DSCAM: variants seen among roughly 807,000 people sequenced by gnomAD.
DSCAM encodes cell adhesion molecule DSCAM.
Under a neutral mutation model 217.7 loss-of-function variants are expected in DSCAM, and 47 were observed. The observed-to-expected ratio is 0.22, with a 90% CI of 0.17 to 0.28. The LOEUF (loss-of-function observed/expected upper bound fraction) is 0.28. DSCAM is among the 10% of genes least tolerant of loss of function. DSCAM has a pLI of 1.00. For synonymous variants in DSCAM, 1,056 were observed against 1,015.3 expected, an observed-to-expected ratio of 1.04 and a Z score of -0.76; for missense variants, 2,080 against 2,618.3, an observed-to-expected ratio of 0.79 and a Z score of 4.49.
At chr21:40,438,446 G>A (rs1350663330) in intron 3 of DSCAM, among the ~76,000 whole-genome samples, 1 of 152,156 alleles carries the variant, frequency 6.6e-6, no homozygotes, top group Non-Finnish European at 1.5e-5. Flanking sequence ...TTAAATAAAT[G>A]AGAAAGTGCA....
chr21:40,078,117 C>G (rs1014746915), intron 26 of DSCAM, among the ~76,000 whole-genome samples: 2 of 152,160 alleles, frequency 1.3e-5, no homozygotes, highest in African/African-American at 4.8e-5. Flanking sequence ...GACACCTCAC[C>G]TAGTTTTTGG....
chr21:40,579,842 A>C (rs895586258), intron 3 of DSCAM, among the ~76,000 whole-genome samples: 1 of 152,168 alleles, frequency 6.6e-6, no homozygotes, highest in African/African-American at 2.4e-5. Context: ...AAAAAAGTGA[A>C]GATTTTTCTT....
Position 40,369,118 on chromosome 21 carries a change from G to T in DSCAM, c.636C>A (p.Ser212Arg). The T allele has an allele frequency of 1.2e-6, 2 of 1,610,112 alleles. No homozygotes were observed. The highest frequency in any genetic ancestry group is 1.7e-6 in the Non-Finnish European group (2 of 1,178,448). ...TTTTACCTGATACAAAAAGTCTGGC[G>T]CTGTTGCTCTGCCTCGTCTCTCCGG... ...RYTGETRQSN[S>R]ARLFVSDPAN... is the part of the protein sequence containing the mutation. Residue 212 changes from serine to arginine, a missense_variant, in exon 4 of 33, where the codon AGC becomes AGA. Ser to Arg is a moderately radical substitution (Grantham distance 110, BLOSUM62 -1). Coordinates refer to ENST00000400454, the MANE Select transcript of DSCAM (RefSeq NM_001389.5).
At chr21:40,060,111 A>G (rs2089092412) in intron 28 of DSCAM, among the ~76,000 whole-genome samples, 1 of 152,204 alleles carries the variant, frequency 6.6e-6, no homozygotes, top group African/African-American at 2.4e-5. Context: ...CTTCCTTTTC[A>G]ATCACTTTGA....
At chr21:40,613,465 T>G (rs982296049) in intron 3 of DSCAM, among the ~76,000 whole-genome samples, 1 of 152,226 alleles carries the variant, frequency 6.6e-6, no homozygotes, top group Non-Finnish European at 1.5e-5. Context: ...AAAAAGATTT[T>G]TTAAAAATTG....
intron 3 of DSCAM, among the ~76,000 whole-genome samples, chr21:40,387,716 TCAGA>T (rs1234600861): frequency 1.3e-5 from 2 of 152,138 alleles, no homozygotes; most frequent in African/African-American, 4.8e-5. Flanking sequence ...AATAGAGGCC[TCAGA>T]CAATGAAATA....
intron 11 of DSCAM, among the ~76,000 whole-genome samples, chr21:40,259,658 A>ATTTT (rs1365627587): frequency 1.7e-3 from 100 of 59,960 alleles, no homozygotes; most frequent in South Asian, 3.1e-3. Context: ...TGAGTCAGCC[A>ATTTT]TTCTTTTTTT....
chr21:40,087,406 C>G, intron 21 of DSCAM, 119 bp from the exon 22 acceptor site: 6 of 714,972 alleles, frequency 8.4e-6, no homozygotes, highest in Non-Finnish European at 1.5e-5. Flanking sequence ...ATTCACATTA[C>G]AACTGTCAAC....
chr21:40,113,052 C>T (rs951872314), intron 20 of DSCAM, among the ~76,000 whole-genome samples: 15 of 152,256 alleles, frequency 9.9e-5, no homozygotes, highest in African/African-American at 3.6e-4. Flanking sequence ...GGAAATCCTC[C>T]CTAACTCATT....
chr21:40,546,272 G>A (rs755890122), intron 3 of DSCAM, among the ~76,000 whole-genome samples: 1 of 152,244 alleles, frequency 6.6e-6, no homozygotes, highest in Non-Finnish European at 1.5e-5. Flanking sequence ...ACTCAGGGTA[G>A]CTGTGAGCAG....
At chr21:40,424,273 A>T (rs2075451591) in intron 3 of DSCAM, among the ~76,000 whole-genome samples, 1 of 152,196 alleles carries the variant, frequency 6.6e-6, no homozygotes, top group South Asian at 2.1e-4. Context: ...ACTTGGAAAT[A>T]AGGTCTTTAT....
chr21:40,500,945 G>T (rs567661376), intron 3 of DSCAM, among the ~76,000 whole-genome samples: 1 of 151,750 alleles, frequency 6.6e-6, no homozygotes, highest in Non-Finnish European at 1.5e-5. Flanking sequence ...GAGGCAATAT[G>T]GTAGGTATGC....
At chr21:40,103,103 T>C (rs1297814941) in intron 20 of DSCAM, among the ~76,000 whole-genome samples, 1 of 152,200 alleles carries the variant, frequency 6.6e-6, no homozygotes, top group Non-Finnish European at 1.5e-5. Context: ...CGATAGGAAA[T>C]AATGAGGATA....
Position 40,013,342 on chromosome 21 carries a change from AC to A in DSCAM, c.5730del (p.Leu1910PhefsTer2). On this transcript the variant is annotated frameshift_variant, in exon 33 of 33. Coordinates refer to ENST00000400454, the MANE Select transcript of DSCAM (RefSeq NM_001389.5). LOFTEE classifies it high-confidence loss of function. ...HLPPYLRMDF[L>X]LNRGGPGTSR... ...CTGGTGCCTGGACCACCTCGGTTTA[AC>A]AAAAAGTCCATTCTAAGGTATGGAG... The A allele has an allele frequency of 6.2e-7, 1 of 1,602,792 alleles. No individual in the cohort carries two copies. Among genetic ancestry groups the A allele is most frequent in the Non-Finnish European group, 8.5e-7 (1 of 1,175,202 alleles).
intron 3 of DSCAM, among the ~76,000 whole-genome samples, chr21:40,531,632 C>G (rs1042195727): frequency 1.3e-5 from 2 of 152,222 alleles, no homozygotes; most frequent in Non-Finnish European, 2.9e-5. Context: ...CTCAGCTCAG[C>G]CTTAAGGAAG....
chr21:40,143,286 T>A (rs2090314510), intron 17 of DSCAM, among the ~76,000 whole-genome samples: 1 of 152,222 alleles, frequency 6.6e-6, no homozygotes, highest in African/African-American at 2.4e-5. Context: ...TTTGTAAACC[T>A]TAAATGTTGG....
chr21:40,504,546 C>T lies in DSCAM; in HGVS notation c.509-135301G>A, dbSNP rs1265964844. 3.9e-5 allele frequency among the ~76,000 whole-genome samples: 6 copies of T among 152,202 alleles called. 1 individual carries two copies. Among genetic ancestry groups the T allele is most frequent in the Non-Finnish European group, 8.8e-5 (6 of 68,036 alleles). Reference sequence around the variant, plus strand: ...GCTTTAACCTGTCAGCATGGCATGACACTCGTTTTAGAAAGCAAAATAAAA... The same window carrying T: ...GCTTTAACCTGTCAGCATGGCATGATACTCGTTTTAGAAAGCAAAATAAAA... On this transcript the variant is annotated intron_variant, in intron 3 of 32. Transcript: ENST00000400454.
At chr21:40,781,923 C>T (rs1448786083) in intron 1 of DSCAM, among the ~76,000 whole-genome samples, 1 of 133,760 alleles carries the variant, frequency 7.5e-6, no homozygotes, top group Non-Finnish European at 1.5e-5. Flanking sequence ...CCGAGGTGGG[C>T]GGATCACGAG....
At chr21:40,560,141 G>A (rs2146182150) in intron 3 of DSCAM, among the ~76,000 whole-genome samples, 1 of 152,214 alleles carries the variant, frequency 6.6e-6, no homozygotes, top group East Asian at 1.9e-4. Context: ...TCTCACCCAC[G>A]ATTGCTCTTT....
Sources: gnomAD v4.1 joint callset for allele counts (sites outside exome capture counted in the v4.1 genomes callset) on GRCh38, gnomAD v4.1.1 for gene constraint, MANE v1.5 for transcripts, NCBI Gene and HGNC (gene_info 2026-07-23, HGNC 2026-07-21) for gene names.